The following INSL6 variants were observed in gnomAD, a reference collection of about 807,000 sequenced individuals.
INSL6 encodes insulin-like peptide INSL6.
Under a neutral mutation model 9.4 loss-of-function variants are expected in INSL6, and 16 were observed. The ratio of observed to expected loss-of-function variants is 1.70; its 90% CI spans 1.15 to 2.59. The LOEUF is 2.59. Ranked by LOEUF, INSL6 falls within the 30% of genes most tolerant of loss-of-function variation. The probability of loss-of-function intolerance (pLI) is 0.00; values close to 1 mark genes in which losing one functional copy is unlikely to be tolerated. For synonymous variants in INSL6, 154 were observed against 96.9 expected, an observed-to-expected ratio of 1.59 and a Z score of -3.46; for missense variants, 391 against 257.3, an observed-to-expected ratio of 1.52 and a Z score of -3.56.
the INSL6 span, among the ~76,000 whole-genome samples, chr9:5,025,483 T>C: frequency 6.6e-6 from 1 of 152,012 alleles, no homozygotes; most frequent in South Asian, 2.1e-4. Flanking sequence ...TCTGTCTCTT[T>C]CTTGCTCCTT....
At chr9:5,078,927 G>C in the INSL6 span, among the ~76,000 whole-genome samples, 1 of 152,094 alleles carries the variant, frequency 6.6e-6, no homozygotes, top group Admixed American at 6.5e-5. Context: ...AACACAGTGG[G>C]TTAAAAATAC....
At position 5,185,437 on chromosome 9, in the gene INSL6, C is replaced by T. The variant is rs1825551730; in HGVS notation, c.166G>A (p.Glu56Lys). 5 of 1,614,084 alleles carry T rather than the reference C, an allele frequency of 3.1e-6. No individual in the cohort carries two copies. The highest frequency in any genetic ancestry group is 2.2e-5 in the East Asian group (1 of 44,890). The change falls in exon 1 of 2, where the codon GAG (glutamate) becomes AAG (lysine). Residue 56 changes from glutamate to lysine, a missense_variant. Coordinates refer to ENST00000381641, the MANE Select transcript of INSL6 (RefSeq NM_007179.3). ...AACCGTGAGAAAGGGGTTTCCTCCT[C>T]GAAACGGAACTGGCTCCAGTTGGCA... is the stretch of plus-strand genomic sequence containing the variant. Reference protein sequence around the residue: ...GHANWSQFRFEEETPFSRLIA... With the variant: ...GHANWSQFRFKEETPFSRLIA...
At chr9:5,128,730 AG>A (rs1824160885) in intron 3 of INSL6, among the ~76,000 whole-genome samples, 1 of 151,942 alleles carries the variant, frequency 6.6e-6, no homozygotes, top group African/African-American at 2.4e-5. Context: ...CTTTTCATTG[AG>A]GCTTCGTAAA....
At chr9:5,064,869 T>C in the INSL6 span, 2 of 1,513,438 alleles carry the variant, frequency 1.3e-6, no homozygotes, top group East Asian at 4.8e-5. Flanking sequence ...TTTCTTTTTC[T>C]TTTCTCTGCT....
chr9:5,136,836 T>A (rs890492571), intron 2 of INSL6, among the ~76,000 whole-genome samples: 23 of 152,244 alleles, frequency 1.5e-4, no homozygotes, highest in Non-Finnish European at 2.8e-4. Context: ...AAATTGTCTC[T>A]GTTTGCAGAT....
chr9:5,069,219 T>C, the INSL6 span: 1 of 1,567,888 alleles, frequency 6.4e-7, no homozygotes, highest in Non-Finnish European at 8.7e-7. Context: ...GTAAGATAAT[T>C]TTCTAGTTAT....
the INSL6 span, chr9:5,040,970 A>C: frequency 1.0e-5 from 6 of 575,620 alleles, no homozygotes; most frequent in African/African-American, 3.8e-5. Context: ...ACAAACAAAT[A>C]TGTGGCTATC....
the INSL6 span, among the ~76,000 whole-genome samples, chr9:5,023,994 CACCTGT>C: frequency 2.6e-5 from 4 of 152,206 alleles, no homozygotes; most frequent in South Asian, 8.3e-4. Flanking sequence ...CGGTGGCTTA[CACCTGT>C]AATCCCAGCA....
intron 2 of INSL6, among the ~76,000 whole-genome samples, chr9:5,147,883 C>T (rs1824632595): frequency 6.6e-6 from 1 of 152,080 alleles, no homozygotes; most frequent in African/African-American, 2.4e-5. Context: ...AACTTTTCTC[C>T]TCAATAAGTT....
chr9:5,005,278 C>T, the INSL6 span, among the ~76,000 whole-genome samples: 990 of 151,560 alleles, frequency 6.5e-3, 9 homozygotes, highest in African/African-American at 0.022. Context: ...ATATCTGTTC[C>T]GGTCCTTTGC....
the INSL6 span, among the ~76,000 whole-genome samples, chr9:5,027,005 T>G: frequency 6.6e-6 from 1 of 152,348 alleles, no homozygotes; most frequent in East Asian, 1.9e-4. Context: ...TCTAAATATT[T>G]TTGTGATTTG....
At chr9:5,066,739 C>T in the INSL6 span, 2 of 1,604,834 alleles carry the variant, frequency 1.2e-6, no homozygotes, top group Non-Finnish European at 1.7e-6. Flanking sequence ...GTATGTACTT[C>T]GATGCAGTCC....
At chr9:5,082,605 C>T in the INSL6 span, among the ~76,000 whole-genome samples, 127 of 152,180 alleles carry the variant, frequency 8.3e-4, no homozygotes, top group Non-Finnish European at 1.5e-3. Flanking sequence ...GGCTGGGGGA[C>T]GGTCAGGTCT....
the INSL6 span, chr9:5,112,647 C>G: frequency 1.0e-6 from 1 of 1,004,738 alleles, no homozygotes; most frequent in Non-Finnish European, 1.4e-6. Context: ...AAGCCCCAGA[C>G]CAAACTCCTT....
chr9:5,079,415 C>G, the INSL6 span, among the ~76,000 whole-genome samples: 2 of 152,074 alleles, frequency 1.3e-5, no homozygotes, highest in African/African-American at 4.8e-5. Flanking sequence ...TTGAGCAGAG[C>G]CCACCTATAT....
chr9:5,057,819 G>A, the INSL6 span, among the ~76,000 whole-genome samples: 5 of 151,964 alleles, frequency 3.3e-5, 1 homozygote, highest in Admixed American at 2.6e-4. Context: ...CTGACCTCAT[G>A]ATCCGCCTGC....
chr9:5,130,806 G>A (rs1052877564), intron 3 of INSL6, among the ~76,000 whole-genome samples: 1 of 150,436 alleles, frequency 6.6e-6, no homozygotes, highest in Non-Finnish European at 1.5e-5. Context: ...TCGGCTCACT[G>A]CAAGCTCCGC....
At chr9:5,037,125 A>T in the INSL6 span, among the ~76,000 whole-genome samples, 1 of 152,246 alleles carries the variant, frequency 6.6e-6, no homozygotes, top group Non-Finnish European at 1.5e-5. Context: ...ACCACTGGCC[A>T]TCAGAGAAAT....
chr9:5,086,312 C>T, the INSL6 span, among the ~76,000 whole-genome samples: 1 of 152,170 alleles, frequency 6.6e-6, no homozygotes, highest in Non-Finnish European at 1.5e-5. Flanking sequence ...CTCTTATATT[C>T]TTTATATCCT....
Sources: allele counts gnomAD v4.1 joint callset (sites outside exome capture counted in the v4.1 genomes callset), GRCh38; gene constraint gnomAD v4.1.1; transcripts MANE v1.5; gene names NCBI Gene and HGNC (gene_info 2026-07-23, HGNC 2026-07-21).